NEGR1: variants seen among roughly 807,000 people sequenced by gnomAD.
The protein encoded by NEGR1 is IgLON family member 4.
NEGR1 carries 10 observed loss-of-function variants against 40.9 expected under a neutral mutation model. That is an observed-to-expected ratio of 0.24 (90% CI 0.15 to 0.42). The LOEUF (loss-of-function observed/expected upper bound fraction) is 0.42. Ranked by LOEUF, NEGR1 falls within the 10% of genes least tolerant of loss-of-function variation. The pLI is 1.00. For synonymous variants in NEGR1, 185 were observed against 166.8 expected, an observed-to-expected ratio of 1.11 and a Z score of -0.84; for missense variants, 352 against 438.9, an observed-to-expected ratio of 0.80 and a Z score of 1.77.
At chr1:72,159,784 T>C (rs1459206206) in intron 1 of NEGR1, among the ~76,000 whole-genome samples, 1 of 152,152 alleles carries the variant, frequency 6.6e-6, no homozygotes, top group Non-Finnish European at 1.5e-5. Context: ...AAGATATCGA[T>C]GATAAATGCA....
chr1:72,092,294 A>G (rs1326249409), intron 1 of NEGR1, among the ~76,000 whole-genome samples: 1 of 152,144 alleles, frequency 6.6e-6, no homozygotes, highest in Non-Finnish European at 1.5e-5. Flanking sequence ...GCAAAGTTTA[A>G]TAGCAACTTT....
chr1:71,936,334 C>A (rs1645905409), intron 1 of NEGR1, among the ~76,000 whole-genome samples: 1 of 152,112 alleles, frequency 6.6e-6, no homozygotes, highest in African/African-American at 2.4e-5. Flanking sequence ...TATAAGATAT[C>A]TATGGATTTA....
In NEGR1 at chr1:71,587,674, A is replaced by ATG. The variant is rs1257135404; in HGVS notation, c.940+5142_940+5143insCA. ...CACACACACACACATGCACACACAC[A>ATG]CACACACACACACACAGATATCCCT... On this transcript the variant is annotated intron_variant, in intron 6 of 6. Transcript: ENST00000357731. 4.7e-3 allele frequency among the ~76,000 whole-genome samples: 22 copies of ATG among 4,690 alleles called. No individual in the cohort carries two copies. The Non-Finnish European group carries it at 0.07, about 15-fold the overall frequency. The allele number at this position is 4,690 out of a possible 152,430, so 3.1% of individuals were successfully genotyped here.
At chr1:71,671,907 T>G (rs1244897400) in intron 4 of NEGR1, among the ~76,000 whole-genome samples, 4 of 149,678 alleles carry the variant, frequency 2.7e-5, no homozygotes, top group East Asian at 1.9e-4. Context: ...TTTTTTTTTT[T>G]TTTTGTTTTA....
chr1:71,685,365 C>G (rs1652997141), intron 4 of NEGR1, among the ~76,000 whole-genome samples: 1 of 149,626 alleles, frequency 6.7e-6, no homozygotes, highest in Non-Finnish European at 1.5e-5. Context: ...TCTTTTTGCC[C>G]AGGCTGGAGT....
intron 1 of NEGR1, among the ~76,000 whole-genome samples, chr1:72,198,624 A>T (rs1050242388): frequency 5.3e-5 from 8 of 152,022 alleles, no homozygotes; most frequent in African/African-American, 1.7e-4. Context: ...TTTCTGATTT[A>T]TAATACTCTT....
chr1:72,272,373 A>G (rs1655873611), intron 1 of NEGR1, among the ~76,000 whole-genome samples: 1 of 151,946 alleles, frequency 6.6e-6, no homozygotes, highest in Non-Finnish European at 1.5e-5. Flanking sequence ...ATCAATGACC[A>G]AATATATTAA....
chr1:71,797,996 A>G (rs1657402945), intron 2 of NEGR1: 1 of 152,050 alleles, frequency 6.6e-6, no homozygotes, highest in African/African-American at 2.4e-5. Flanking sequence ...ATTCCTTGCC[A>G]TTGAAAACAT....
At chr1:71,434,037 C>T (rs1021844603) in intron 6 of NEGR1, among the ~76,000 whole-genome samples, 1 of 152,092 alleles carries the variant, frequency 6.6e-6, no homozygotes, top group Non-Finnish European at 1.5e-5. Context: ...TGTTTATATG[C>T]AGTTAACCTT....
At chr1:72,051,656 C>T (rs1220149037) in intron 1 of NEGR1, among the ~76,000 whole-genome samples, 2 of 151,346 alleles carry the variant, frequency 1.3e-5, no homozygotes, top group African/African-American at 4.8e-5. Context: ...GTAAATTTGT[C>T]CACAGACGGA....
Position 71,781,710 on chromosome 1 carries a change from T to C in NEGR1, c.410-5413A>G, listed in dbSNP as rs567723026. On this transcript the variant is annotated intron_variant, in intron 2 of 6. Coordinates refer to ENST00000357731, the MANE Select transcript of NEGR1 (RefSeq NM_173808.3). ...GATATAAAATCAAAGCAGTGTTTTATAGGGGAGTGCACCGAATGCCCTCTC... is the reference window on the plus strand; with the variant it reads ...GATATAAAATCAAAGCAGTGTTTTACAGGGGAGTGCACCGAATGCCCTCTC... Among the ~76,000 whole-genome samples the C allele has an allele frequency of 2.7e-4, 41 of 152,322 alleles. No individual in the cohort carries two copies. The South Asian group carries it at 7.5e-3, about 28-fold the overall frequency.
At chr1:71,887,620 C>G (rs1326605435) in intron 2 of NEGR1, among the ~76,000 whole-genome samples, 1 of 152,082 alleles carries the variant, frequency 6.6e-6, no homozygotes. Context: ...TCCATCATCT[C>G]AAACATTCAT....
At chr1:71,986,107 G>T (rs1011680990) in intron 1 of NEGR1, among the ~76,000 whole-genome samples, 9 of 152,190 alleles carry the variant, frequency 5.9e-5, no homozygotes, top group African/African-American at 1.9e-4. Flanking sequence ...CATCTGGAAA[G>T]ACATAGCTAA....
intron 4 of NEGR1, among the ~76,000 whole-genome samples, chr1:71,676,792 G>T (rs937724512): frequency 1.3e-5 from 2 of 152,190 alleles, no homozygotes; most frequent in Non-Finnish European, 2.9e-5. Context: ...AAGAAAGAGA[G>T]AAGAGATATT....
chr1:71,407,219 C>A lies in NEGR1; in HGVS notation c.*227G>T, dbSNP rs1199567783. The A allele has an allele frequency of 2.8e-6, 1 of 354,684 alleles. No individual in the cohort carries two copies. Among genetic ancestry groups the A allele is most frequent in the East Asian group, 4.6e-5 (1 of 21,572 alleles). 22.0% of individuals were successfully genotyped at this position (354,684 alleles called of 1,614,324 possible). ...CCTCTAAAAGTAATTTCAGAGCTTT[C>A]ACGTCTTAAAAAAAGGACAATGTGT... is the stretch of plus-strand genomic sequence containing the variant. On this transcript the variant is annotated 3_prime_UTR_variant, in exon 7 of 7. Coordinates refer to ENST00000357731, the MANE Select transcript of NEGR1 (RefSeq NM_173808.3).
chr1:72,036,730 A>G (rs1355524503), intron 1 of NEGR1, among the ~76,000 whole-genome samples: 6 of 151,910 alleles, frequency 3.9e-5, no homozygotes, highest in Admixed American at 1.3e-4. Flanking sequence ...AAAAACATCT[A>G]TTATATATTA....
chr1:71,908,434 G>GC lies in NEGR1; in HGVS notation c.409+26644_409+26645insG, dbSNP rs576644602. On this transcript the variant is annotated intron_variant, in intron 2 of 6. Coordinates refer to ENST00000357731, the MANE Select transcript of NEGR1 (RefSeq NM_173808.3). Reference sequence around the variant, plus strand: ...TCATTTAAAGAACTCCAGACAAACAGAAGAGTAGGAAAGGCAGGGACCCAA... The same window carrying GC: ...TCATTTAAAGAACTCCAGACAAACAGCAAGAGTAGGAAAGGCAGGGACCCAA... 2.1e-3 allele frequency among the ~76,000 whole-genome samples: 320 copies of GC among 152,162 alleles called. 7 individuals are homozygous for GC. The South Asian group carries it at 0.036, about 17-fold the overall frequency.
At chr1:72,003,421 A>C (rs1342293951) in intron 1 of NEGR1, among the ~76,000 whole-genome samples, 2 of 152,164 alleles carry the variant, frequency 1.3e-5, no homozygotes, top group Admixed American at 6.6e-5. Flanking sequence ...TTAAATAAGC[A>C]AGGAGAAAAT....
intron 4 of NEGR1, among the ~76,000 whole-genome samples, chr1:71,637,854 C>T (rs965959938): frequency 2.6e-5 from 4 of 151,974 alleles, no homozygotes; most frequent in African/African-American, 4.8e-5. Context: ...TGCAATCTCT[C>T]CTCACTCATA....
Sources: gnomAD v4.1 joint callset for allele counts (sites outside exome capture counted in the v4.1 genomes callset) on GRCh38, gnomAD v4.1.1 for gene constraint, MANE v1.5 for transcripts, NCBI Gene and HGNC (gene_info 2026-07-23, HGNC 2026-07-21) for gene names.